Variants in KIF21A observed in about 807,000 individuals in gnomAD.
KIF21A encodes the protein kinesin-like protein KIF21A.
Under a neutral mutation model 202.9 loss-of-function variants are expected in KIF21A, and 114 were observed. The observed-to-expected ratio is 0.56, with a 90% CI of 0.48 to 0.66. KIF21A has a LOEUF of 0.66. KIF21A is among the 30% of genes least tolerant of loss of function. KIF21A has a pLI of 0.00. For synonymous variants in KIF21A, 667 were observed against 670.8 expected, an observed-to-expected ratio of 0.99 and a Z score of 0.09; for missense variants, 1,677 against 1,994.9, an observed-to-expected ratio of 0.84 and a Z score of 3.04.
At chr12:39,407,160 C>T (rs1383217075) in intron 1 of KIF21A, among the ~76,000 whole-genome samples, 3 of 152,184 alleles carry the variant, frequency 2.0e-5, no homozygotes, top group Non-Finnish European at 4.4e-5. Context: ...AGATCATTCT[C>T]AGCACACAAA....
At chr12:39,310,822 T>G (rs947764476) in intron 32 of KIF21A, among the ~76,000 whole-genome samples, 4 of 152,060 alleles carry the variant, frequency 2.6e-5, no homozygotes, top group Non-Finnish European at 5.9e-5. Flanking sequence ...TCCAGTTACT[T>G]GCAATTGTAC....
chr12:39,349,840 C>T (rs1242236367), intron 11 of KIF21A, among the ~76,000 whole-genome samples: 1 of 151,886 alleles, frequency 6.6e-6, no homozygotes, highest in Non-Finnish European at 1.5e-5. Context: ...TAAATTGGCT[C>T]TAAAAATGTT....
intron 1 of KIF21A, among the ~76,000 whole-genome samples, chr12:39,399,300 C>T (rs1243352990): frequency 1.3e-5 from 2 of 152,108 alleles, no homozygotes; most frequent in Non-Finnish European, 1.5e-5. Context: ...AGTATATATG[C>T]AAATATTATG....
At chr12:39,382,710 A>G (rs1950691484) in intron 1 of KIF21A, among the ~76,000 whole-genome samples, 1 of 152,206 alleles carries the variant, frequency 6.6e-6, no homozygotes, top group Non-Finnish European at 1.5e-5. Context: ...GGATACAAAT[A>G]GATTTTTTGT....
At chr12:39,365,288 A>G (rs12424375) in intron 6 of KIF21A, among the ~76,000 whole-genome samples, 15,676 of 152,176 alleles carry the variant, frequency 0.1, 1,884 homozygotes, top group African/African-American at 0.29. Flanking sequence ...CTTTTTCTCT[A>G]TTGCAATTCC....
At chr12:39,342,764 G>A (rs1007163837) in intron 12 of KIF21A, among the ~76,000 whole-genome samples, 3 of 152,122 alleles carry the variant, frequency 2.0e-5, no homozygotes, top group Non-Finnish European at 4.4e-5. Flanking sequence ...TGTTCAGGCT[G>A]CCCTTTGATT....
intron 1 of KIF21A, among the ~76,000 whole-genome samples, chr12:39,385,292 G>A (rs2139520985): frequency 6.6e-6 from 1 of 152,160 alleles, no homozygotes; most frequent in Admixed American, 6.5e-5. Context: ...AGAGAAAATA[G>A]GGAAGGAGGT....
intron 1 of KIF21A, among the ~76,000 whole-genome samples, chr12:39,400,910 C>T (rs535747789): frequency 7.9e-5 from 12 of 152,206 alleles, no homozygotes; most frequent in African/African-American, 2.6e-4. Flanking sequence ...AAGGAGAAAA[C>T]CATCTTCTGC....
intron 22 of KIF21A, 109 bp downstream of exon 22, chr12:39,331,581 A>G: frequency 1.3e-6 from 1 of 778,944 alleles, no homozygotes; most frequent in South Asian, 1.4e-5. Context: ...CCAATTATGA[A>G]TAATCTTCTT....
intron 6 of KIF21A, among the ~76,000 whole-genome samples, chr12:39,363,541 G>A (rs999660183): frequency 5.3e-5 from 8 of 152,010 alleles, no homozygotes; most frequent in African/African-American, 9.7e-5. Context: ...TTCATGTTAC[G>A]CATTCTTCTC....
intron 1 of KIF21A, among the ~76,000 whole-genome samples, chr12:39,407,675 T>C (rs1952705981): frequency 6.6e-6 from 1 of 152,166 alleles, no homozygotes; most frequent in African/African-American, 2.4e-5. Flanking sequence ...TACAGCTTGC[T>C]CAATCTCTTA....
intron 12 of KIF21A, among the ~76,000 whole-genome samples, chr12:39,343,782 G>A (rs1947654425): frequency 6.6e-6 from 1 of 152,112 alleles, no homozygotes; most frequent in African/African-American, 2.4e-5. Context: ...GGAAGGGATC[G>A]TGTCTGTTTG....
Position 39,370,344 on chromosome 12 carries a change from G to C in KIF21A, c.45-83C>G. The C allele has an allele frequency of 1.2e-5, 12 of 1,010,264 alleles. No homozygotes were observed. The South Asian group carries it at 1.7e-4, about 14-fold the overall frequency. 62.6% of individuals were successfully genotyped at this position (1,010,264 alleles called of 1,614,324 possible). On this transcript the variant is annotated intron_variant, in intron 1 of 37. Transcript: ENST00000361418. ...AAAAAATAGGACTTAAAAACTCTTG[G>C]CCAAATCTTTTTTAAAACTCATGTA... is the stretch of plus-strand genomic sequence containing the variant.
chr12:39,435,441 A>G (rs180865323), intron 1 of KIF21A, among the ~76,000 whole-genome samples: 26 of 152,336 alleles, frequency 1.7e-4, no homozygotes, highest in Non-Finnish European at 3.7e-4. Context: ...TCTGCATGAC[A>G]TCAGTCTAGA....
In KIF21A at chr12:39,319,967, G is replaced by A. The variant is rs763411761; in HGVS notation, c.3718C>T (p.Pro1240Ser). 9 of 1,609,516 alleles carry A rather than the reference G, an allele frequency of 5.6e-6. No individual in the cohort carries two copies. The highest frequency in any genetic ancestry group is 1.1e-5 in the South Asian group (1 of 90,564). ...LSEKKIPEPS[P>S]VTRRKAYEKA... is the part of the protein sequence containing the mutation. ...TCATATGCCTTTCTCCTTGTTACAGGAGAAGGCTCTGGAATTTTTTTTTCT... is the reference window on the plus strand; with the variant it reads ...TCATATGCCTTTCTCCTTGTTACAGAAGAAGGCTCTGGAATTTTTTTTTCT... The change falls in exon 28 of 38, where the codon CCT becomes TCT. Residue 1240 changes from proline (P) to serine (S), a missense_variant. Coordinates refer to ENST00000361418, the MANE Select transcript of KIF21A (RefSeq NM_001173464.2).
In KIF21A at chr12:39,319,943, C is replaced by T. The variant is rs202059694; in HGVS notation, c.3742G>A (p.Glu1248Lys). 2 of 1,608,644 alleles carry T rather than the reference C, an allele frequency of 1.2e-6. No individual in the cohort carries two copies. The highest frequency in any genetic ancestry group is 2.2e-5 in the East Asian group (1 of 44,794). The change falls in exon 28 of 38, where the codon GAG becomes AAG. Residue 1248 changes from glutamate (E) to lysine (K), a missense_variant. Physicochemically the swap from Glu to Lys is moderately conservative, Grantham distance 56 (BLOSUM62 1). This residue lies in a region of KIF21A where 705 missense variants were observed against 791.9 expected (regional missense o/e 0.89). Transcript: ENST00000361418. ...PSPVTRRKAYEKAEKSKAKEQ... is the reference protein window; with the variant it reads ...PSPVTRRKAYKKAEKSKAKEQ... ...TTGGCCTTTGATTTTTCTGCTTTCT[C>T]ATATGCCTTTCTCCTTGTTACAGGA...
At chr12:39,318,975 C>G (rs1944898420) in intron 28 of KIF21A, among the ~76,000 whole-genome samples, 1 of 147,902 alleles carries the variant, frequency 6.8e-6, no homozygotes, top group South Asian at 2.1e-4. Flanking sequence ...AGCGAGACTC[C>G]GTCTCAAAAA....
At chr12:39,397,376 T>C (rs1951834917) in intron 1 of KIF21A, among the ~76,000 whole-genome samples, 1 of 152,170 alleles carries the variant, frequency 6.6e-6, no homozygotes, top group Admixed American at 6.5e-5. Flanking sequence ...AGGATAATAT[T>C]GAGAGCTAGG....
chr12:39,347,903 C>T (rs1360224989), intron 11 of KIF21A, among the ~76,000 whole-genome samples: 3 of 151,516 alleles, frequency 2.0e-5, no homozygotes, highest in African/African-American at 7.3e-5. Flanking sequence ...GGTAAATTTT[C>T]CTCGTCCACA....
Sources: allele counts gnomAD v4.1 joint callset (sites outside exome capture counted in the v4.1 genomes callset), GRCh38; gene constraint gnomAD v4.1.1; regional missense constraint gnomAD v4.1.1; transcripts MANE v1.5; gene names NCBI Gene and HGNC (gene_info 2026-07-23, HGNC 2026-07-21).